Variants in COL6A3 observed in about 807,000 individuals in gnomAD.
COL6A3 encodes collagen alpha-3(VI) chain.
Under a neutral mutation model 274.1 loss-of-function variants are expected in COL6A3, and 137 were observed. The observed-to-expected ratio is 0.50, with a 90% confidence interval of 0.44 to 0.58. COL6A3 has a LOEUF of 0.58. Ranked by LOEUF, COL6A3 falls within the 20% of genes least tolerant of loss-of-function variation. COL6A3 has a pLI of 0.00. For missense variants in COL6A3, 3,950 were observed against 4,124.9 expected (o/e 0.96, Z 1.16); for synonymous variants, 1,650 against 1,650.6 (o/e 1.00, Z 0.01).
intron 23 of COL6A3, chr2:237,357,019 G>T: frequency 2.2e-6 from 1 of 446,504 alleles, no homozygotes; most frequent in Non-Finnish European, 4.0e-6. Flanking sequence ...CCCTCCCCCA[G>T]TATTAGGATT....
At position 237,413,107 on chromosome 2, in the gene COL6A3, A is replaced by G. The variant is rs981418324; in HGVS notation, c.-31+846T>C. ...TCAGCGAACGTGTCCATCCTCAGCA[A>G]GAGAGGGCCCGAGCCCCACCCTGCA... On this transcript the variant is annotated intron_variant, in intron 1 of 43. Transcript: ENST00000295550. The surrounding 1 kb of genome is among the most constrained non-coding windows in gnomAD (Gnocchi z 4.0). 4.6e-5 allele frequency among the ~76,000 whole-genome samples: 7 copies of G among 152,222 alleles called. No homozygotes were observed. The highest frequency in any genetic ancestry group is 4.6e-4 in the Admixed American group (7 of 15,286).
At chr2:237,375,216 A>G (rs964237701) in intron 7 of COL6A3, among the ~76,000 whole-genome samples, 196 bp from the exon 8 acceptor site, 11 of 152,214 alleles carry the variant, frequency 7.2e-5, no homozygotes, top group African/African-American at 2.2e-4. Flanking sequence ...GGTGGGCCCA[A>G]TGTAATCAAT....
Position 237,368,557 on chromosome 2 carries a change from G to T in COL6A3, c.4900+6C>A. The T allele has an allele frequency of 6.2e-7, 1 of 1,614,130 alleles. No homozygotes were observed. Among genetic ancestry groups the T allele is most frequent in the Non-Finnish European group, 8.5e-7 (1 of 1,179,988 alleles). Reference sequence around the variant, plus strand: ...ACTCTGTAGTCATGGGTCACACGGTGCATACCTGGCCGTGAAGGAGGAGGG... The same window carrying T: ...ACTCTGTAGTCATGGGTCACACGGTTCATACCTGGCCGTGAAGGAGGAGGG... On this transcript the variant is annotated splice_donor_region_variant and intron_variant, in intron 10 of 43. Coordinates refer to ENST00000295550, the MANE Select transcript of COL6A3 (RefSeq NM_004369.4). This position sits in a 1 kb window ranked among gnomAD's most constrained non-coding sequence, Gnocchi z 4.4.
At chr2:237,372,537 C>T (rs1035335692) in intron 8 of COL6A3, among the ~76,000 whole-genome samples, 200 bp from the exon 9 acceptor site, 1 of 152,144 alleles carries the variant, frequency 6.6e-6, no homozygotes, top group Non-Finnish European at 1.5e-5. Context: ...ATGAAAAACC[C>T]GACGGAGGCA....
At position 237,367,024 on chromosome 2, in the gene COL6A3, C is replaced by T. The variant is rs759703082; in HGVS notation, c.5163G>A (p.Val1721=). 4 of 1,614,130 alleles carry T rather than the reference C, an allele frequency of 2.5e-6. No homozygotes were observed. The Admixed American group carries it at 5.0e-5, about 20-fold the overall frequency. The part of the protein sequence containing the change: ...YKGGRHANTK[V]GLEHLRVNHF... ...GGTTTACCCGCAGGTGCTCAAGGCC[C>T]ACCTTAGTGTTGGCGTGTCTTCCCC... Residue 1721 remains valine (V), a synonymous_variant, in exon 11 of 44, where the codon GTG becomes GTA. Coordinates refer to ENST00000295550, the MANE Select transcript of COL6A3 (RefSeq NM_004369.4).
intron 38 of COL6A3, 97 bp downstream of exon 38, chr2:237,340,355 C>T: frequency 8.7e-7 from 1 of 1,149,472 alleles, no homozygotes; most frequent in Non-Finnish European, 1.3e-6. Context: ...CAGTTCCTGT[C>T]AACACATCGG....
chr2:237,364,478 G>T lies in COL6A3; in HGVS notation c.5839-50C>A. On this transcript the variant is annotated intron_variant, in intron 12 of 43. Transcript: ENST00000295550. This position sits in a 1 kb window ranked among gnomAD's most constrained non-coding sequence, Gnocchi z 4.6. ...CCCAGGAAAACTAAAAAGGAGTGTT[G>T]CAGACTGCTGATAGAAAACTGAGAG... The T allele has an allele frequency of 1.4e-6, 2 of 1,392,398 alleles. No individual in the cohort carries two copies. Among genetic ancestry groups the T allele is most frequent in the South Asian group, 1.2e-5 (1 of 86,756 alleles). The allele number at this position is 1,392,398 out of a possible 1,614,324, so 86.3% of individuals were successfully genotyped here.
chr2:237,324,696 C>T lies in COL6A3; in HGVS notation c.*78G>A. 6.6e-6 allele frequency: 9 copies of T among 1,360,866 alleles called. No individual in the cohort carries two copies. The highest frequency in any genetic ancestry group is 9.4e-6 in the Non-Finnish European group (9 of 952,414). The allele number at this position is 1,360,866 out of a possible 1,614,324, so 84.3% of individuals were successfully genotyped here. A position where few individuals can be genotyped will look rare whatever the true frequency, so the allele number is the denominator to read the frequency against. On this transcript the variant is annotated 3_prime_UTR_variant, in exon 44 of 44. Transcript: ENST00000295550. ...TGATACAGTGCAAGGGAATCTACAC[C>T]CGGAGCTTCTACAGAGACAAGTTGG...
chr2:237,411,467 G>A (rs2078854960), intron 1 of COL6A3, among the ~76,000 whole-genome samples: 1 of 152,202 alleles, frequency 6.6e-6, no homozygotes, highest in African/African-American at 2.4e-5. Flanking sequence ...GTCACTGCCA[G>A]CTTCCAAAGC....
chr2:237,348,628 T>C lies in COL6A3; in HGVS notation c.6915A>G (p.Gly2305=), dbSNP rs772574582. Residue 2305 remains glycine (G), a synonymous_variant, in exon 29 of 44, where the codon GGA becomes GGG. Coordinates refer to ENST00000295550, the MANE Select transcript of COL6A3 (RefSeq NM_004369.4). ...AGATACGTACTTTTTTGCCTCTGCGTCCTTCACTGCCAACTCCGTCTCTCC... is the reference window on the plus strand; with the variant it reads ...AGATACGTACTTTTTTGCCTCTGCGCCCTTCACTGCCAACTCCGTCTCTCC... ...DDGRDGVGSE[G]RRGKKGERGF... 5 of 1,614,042 alleles carry C rather than the reference T, an allele frequency of 3.1e-6. No homozygotes were observed. Among genetic ancestry groups the C allele is most frequent in the South Asian group, 1.1e-5 (1 of 91,062 alleles).
chr2:237,341,983 A>T, intron 37 of COL6A3, 82 bp downstream of exon 37: 1 of 1,108,732 alleles, frequency 9.0e-7, no homozygotes, highest in Admixed American at 1.9e-5. Flanking sequence ...TTTACAGATC[A>T]TCATTATTCT....
At chr2:237,409,988 C>T (rs1465422239) in intron 1 of COL6A3, among the ~76,000 whole-genome samples, 4 of 152,208 alleles carry the variant, frequency 2.6e-5, no homozygotes, top group Admixed American at 1.3e-4. Flanking sequence ...CATCTCAATA[C>T]ACTTACACCT....
At chr2:237,345,800 C>G (rs1031815149) in intron 32 of COL6A3, among the ~76,000 whole-genome samples, 2 of 152,144 alleles carry the variant, frequency 1.3e-5, no homozygotes, top group African/African-American at 2.4e-5. Flanking sequence ...TGTGCTCCCC[C>G]CAACACTTCA....
rs759531768 is a variant in COL6A3 at position 237,401,355 on chromosome 2, A to T, written c.-30-4508T>A. 2.0e-5 allele frequency among the ~76,000 whole-genome samples: 3 copies of T among 152,214 alleles called. No individual in the cohort carries two copies. In the South Asian group the frequency reaches 6.2e-4, roughly 32 times the overall value. On this transcript the variant is annotated intron_variant, in intron 1 of 43. Transcript: ENST00000295550. ...AAACAACTTAAAAGTCCATCAATAG[A>T]TGAGATGAATAAAGAAATTAATTCA...
chr2:237,369,451 C>T (rs2077633120), intron 9 of COL6A3, among the ~76,000 whole-genome samples: 1 of 152,228 alleles, frequency 6.6e-6, no homozygotes, highest in African/African-American at 2.4e-5. Context: ...TGGGTTACTA[C>T]TGATTTCTAA....
rs1412766200 is a variant in COL6A3, at chr2:237,378,926, C to T, written c.2207G>A (p.Gly736Asp). The T allele has an allele frequency of 1.2e-6, 2 of 1,614,086 alleles. No individual in the cohort carries two copies. Among genetic ancestry groups the T allele is most frequent in the Non-Finnish European group, 1.7e-6 (2 of 1,180,030 alleles). Reference protein sequence around the residue: ...VYANHFTEAGGSRIREHVPQL... With the variant: ...VYANHFTEAGDSRIREHVPQL... The stretch of plus-strand genomic sequence containing the variant: ...CGGCACGTGTTCACGGATCCTGCTG[C>T]CGCCAGCTTCCGTGAAGTGGTTGGC... The change falls in exon 6 of 44, where the codon GGC (glycine) becomes GAC (aspartate). Residue 736 changes from glycine (G) to aspartate (D), a missense_variant. Transcript: ENST00000295550.
chr2:237,370,241 T>TG (rs985424583), intron 9 of COL6A3, among the ~76,000 whole-genome samples: 2 of 133,714 alleles, frequency 1.5e-5, no homozygotes, highest in African/African-American at 6.0e-5. Context: ...ACTGGTTTAA[T>TG]TTTTTTTTTT....
chr2:237,358,331 T>C (rs1020859824), intron 21 of COL6A3, among the ~76,000 whole-genome samples, 190 bp downstream of exon 21: 2 of 152,228 alleles, frequency 1.3e-5, no homozygotes, highest in Non-Finnish European at 2.9e-5. Flanking sequence ...GACTTGCAAA[T>C]GATTATCTGG....
chr2:237,350,140 A>G lies in COL6A3; in HGVS notation c.6879+7T>C. 2 of 1,613,912 alleles carry G rather than the reference A, an allele frequency of 1.2e-6. No homozygotes were observed. Among genetic ancestry groups the G allele is most frequent in the Non-Finnish European group, 1.7e-6 (2 of 1,179,934 alleles). On this transcript the variant is annotated splice_region_variant and intron_variant, in intron 28 of 43. Transcript: ENST00000295550. ...ACAGCCTGACCCCAAGCGCGCTGTGACCTTACCGTCTCCCCACGAGGGCCC... is the reference window on the plus strand; with the variant it reads ...ACAGCCTGACCCCAAGCGCGCTGTGGCCTTACCGTCTCCCCACGAGGGCCC...
Sources: gnomAD v4.1 joint callset for allele counts (sites outside exome capture counted in the v4.1 genomes callset) on GRCh38, gnomAD v4.1.1 for gene constraint, Gnocchi (gnomAD v3.1) non-coding constraint, MANE v1.5 for transcripts, NCBI Gene and HGNC (gene_info 2026-07-23, HGNC 2026-07-21) for gene names.